CHAF1A: variants seen among roughly 807,000 people sequenced by gnomAD.
The protein encoded by CHAF1A is CAF-1 subunit A.
Under a neutral mutation model 93.2 loss-of-function variants are expected in CHAF1A, and 5 were observed. That is an observed-to-expected ratio of 0.05 (90% CI 0.03 to 0.11). The LOEUF (loss-of-function observed/expected upper bound fraction) is 0.11. Ranked by LOEUF, CHAF1A falls within the 10% of genes least tolerant of loss-of-function variation. CHAF1A has a pLI of 1.00. For missense variants in CHAF1A, 1,102 were observed against 1,259.9 expected, an observed-to-expected ratio of 0.87 and a Z score of 1.90; for synonymous variants, 504 against 510.3, an observed-to-expected ratio of 0.99 and a Z score of 0.17.
downstream of CHAF1A, chr19:4,445,747 G>A: frequency 2.0e-6 from 3 of 1,466,004 alleles, no homozygotes; most frequent in South Asian, 1.3e-5. Context: ...GGTGGAGGCT[G>A]TGGCTCGCAC....
intron 4 of CHAF1A, 25 bp downstream of exon 4, chr19:4,418,101 A>G: frequency 6.6e-7 from 1 of 1,516,622 alleles, no homozygotes. Flanking sequence ...CTGAAATAGA[A>G]AATTAACCTG....
At position 4,442,351 on chromosome 19, in the gene CHAF1A, G is replaced by A; in HGVS notation, c.2770+10G>A. ...GTCCCGGATGCTGCGGGTGAGAAGG[G>A]CTGTAGATAGCAGAACGCACTGGTG... On this transcript the variant is annotated intron_variant, in intron 14 of 14. Transcript: ENST00000301280. The A allele has an allele frequency of 1.3e-6, 2 of 1,572,024 alleles. No individual in the cohort carries two copies. Among genetic ancestry groups the A allele is most frequent in the Non-Finnish European group, 1.7e-6 (2 of 1,155,436 alleles).
downstream of CHAF1A, chr19:4,446,216 A>C: frequency 6.3e-7 from 1 of 1,589,850 alleles, no homozygotes; most frequent in Non-Finnish European, 8.5e-7. Flanking sequence ...TGGGGGAGTC[A>C]GAGCGGGTGG....
intron 3 of CHAF1A, 108 bp downstream of exon 3, chr19:4,409,867 C>A: frequency 7.7e-7 from 1 of 1,304,046 alleles, no homozygotes; most frequent in South Asian, 1.4e-5. Flanking sequence ...AGCGGGGCCA[C>A]GGGCTGGGTC....
chr19:4,423,663 C>T (rs1467194752), intron 6 of CHAF1A, 143 bp from the exon 7 acceptor site: 11 of 967,400 alleles, frequency 1.1e-5, no homozygotes, highest in East Asian at 7.6e-5. Context: ...GTTGCGGGTC[C>T]GTGGGTTTTG....
At chr19:4,430,496 G>GCA in intron 10 of CHAF1A, 53 bp from the exon 11 acceptor site, 1 of 1,265,716 alleles carries the variant, frequency 7.9e-7, no homozygotes, top group Non-Finnish European at 1.2e-6. Flanking sequence ...TTTTAATAAG[G>GCA]CACACACTCT....
intron 2 of CHAF1A, among the ~76,000 whole-genome samples, chr19:4,408,019 C>CT (rs368460265): frequency 1.3e-3 from 191 of 150,218 alleles, no homozygotes; most frequent in Non-Finnish European, 1.5e-3. Context: ...CCCACCCCCT[C>CT]TTTTTTTTTG....
intron 1 of CHAF1A, among the ~76,000 whole-genome samples, 172 bp downstream of exon 1, chr19:4,402,986 C>T (rs538333120): frequency 2.6e-5 from 4 of 152,328 alleles, no homozygotes; most frequent in Non-Finnish European, 2.9e-5. Flanking sequence ...TCCCCAAGGG[C>T]ACCCTTGTTG....
intron 7 of CHAF1A, among the ~76,000 whole-genome samples, chr19:4,425,256 A>G (rs1364437984): frequency 1.3e-5 from 2 of 151,938 alleles, no homozygotes; most frequent in East Asian, 1.9e-4. Flanking sequence ...TACAAAAATT[A>G]TTTATTTATT....
intron 13 of CHAF1A, among the ~76,000 whole-genome samples, chr19:4,434,252 G>A (rs184764926): frequency 6.6e-6 from 1 of 152,256 alleles, no homozygotes; most frequent in East Asian, 1.9e-4. Flanking sequence ...AGGCTAAGGC[G>A]GGAGGATTAC....
intron 11 of CHAF1A, 47 bp downstream of exon 11, chr19:4,430,688 C>G (rs751092693): frequency 6.2e-7 from 1 of 1,606,620 alleles, no homozygotes; most frequent in South Asian, 1.1e-5. Context: ...AAGTTCATTT[C>G]TGGACTGGTG....
intron 13 of CHAF1A, among the ~76,000 whole-genome samples, chr19:4,440,608 A>C (rs905864069): frequency 2.0e-5 from 3 of 152,088 alleles, no homozygotes; most frequent in African/African-American, 7.2e-5. Flanking sequence ...TCATCACTTC[A>C]CATCAGGGAC....
At chr19:4,446,151 G>A (rs1436732683), downstream of CHAF1A, 1 of 1,610,998 alleles carries the variant, frequency 6.2e-7, no homozygotes, top group Non-Finnish European at 8.5e-7. Context: ...GGGCCTCCCG[G>A]ACGAACCCGT....
chr19:4,402,812 C>T lies in CHAF1A; in HGVS notation c.50C>T (p.Thr17Ile). ...GCGCCCGGCGCCAGGGGAGCCGCCA[C>T]AGGTCGGTTCGGGCCCGCGCCGAGG... ...CGAPGARGAA[T>I]AMDCKDRPAF... is the part of the protein sequence containing the mutation. The change falls in exon 1 of 15, where the codon ACA becomes ATA. Residue 17 changes from threonine (T) to isoleucine (I), a missense_variant and splice_region_variant. Physicochemically the swap from Thr to Ile is moderately conservative, Grantham distance 89 (BLOSUM62 -1). Transcript: ENST00000301280. 1 of 1,204,210 alleles carries T rather than the reference C, an allele frequency of 8.3e-7. No individual in the cohort carries two copies. Among genetic ancestry groups the T allele is most frequent in the Non-Finnish European group, 1.0e-6 (1 of 969,994 alleles). The allele number at this position is 1,204,210 out of a possible 1,614,324, so 74.6% of individuals were successfully genotyped here.
downstream of CHAF1A, chr19:4,445,997 G>A (rs1327339350): frequency 1.3e-6 from 2 of 1,550,138 alleles, no homozygotes; most frequent in Non-Finnish European, 1.7e-6. Context: ...CCGGTCCCAG[G>A]AGAACCTGCA....
intron 13 of CHAF1A, among the ~76,000 whole-genome samples, chr19:4,441,773 C>T (rs1974394330): frequency 6.6e-6 from 1 of 151,992 alleles, no homozygotes; most frequent in Non-Finnish European, 1.5e-5. Flanking sequence ...TGTCAGGCGC[C>T]TGTAGTCCCA....
At position 4,443,000 on chromosome 19, in the gene CHAF1A, C is replaced by A; in HGVS notation, c.2846C>A (p.Thr949Asn). ...GTGGACACCGGCAAGGCCACCCTGA[C>A]CGCGAGCCCACTGGGTGCATCCTGA... ...VGVDTGKATL[T>N]ASPLGAS Residue 949 changes from threonine (T) to asparagine (N), a missense_variant, in exon 15 of 15, where the codon ACC (threonine) becomes AAC (asparagine). Physicochemically the swap from Thr to Asn is moderately conservative, Grantham distance 65. Around this residue, in one of 6 missense-constraint regions of CHAF1A, gnomAD observed 119 missense variants for 102.2 expected, o/e 1.16. Coordinates refer to ENST00000301280, the MANE Select transcript of CHAF1A (RefSeq NM_005483.3). The A allele has an allele frequency of 6.3e-7, 1 of 1,597,786 alleles. No homozygotes were observed. The highest frequency in any genetic ancestry group is 8.5e-7 in the Non-Finnish European group (1 of 1,172,664).
chr19:4,435,017 C>T (rs1461386042), intron 13 of CHAF1A, among the ~76,000 whole-genome samples: 3 of 151,554 alleles, frequency 2.0e-5, no homozygotes, highest in Non-Finnish European at 2.9e-5. Context: ...GCTTTGTTAA[C>T]GTTCATTGCA....
intron 14 of CHAF1A, 99 bp downstream of exon 14, chr19:4,442,440 G>T (rs981902654): frequency 2.5e-5 from 25 of 1,017,018 alleles, no homozygotes; most frequent in Non-Finnish European, 3.6e-5. Flanking sequence ...TAGCTCCACT[G>T]TGAGCAGCCA....
Sources: allele counts gnomAD v4.1 joint callset (sites outside exome capture counted in the v4.1 genomes callset), GRCh38; gene constraint gnomAD v4.1.1; regional missense constraint gnomAD v4.1.1; transcripts MANE v1.5; gene names NCBI Gene and HGNC (gene_info 2026-07-23, HGNC 2026-07-21).